Variants in RAPGEF2 observed in about 807,000 individuals in gnomAD.
RAPGEF2 encodes the protein PDZ domain containing guanine nucleotide exchange factor (GEF) 1.
RAPGEF2 carries 54 observed loss-of-function variants against 186.7 expected under a neutral mutation model. The ratio of observed to expected loss-of-function variants is 0.29; its 90% CI spans 0.23 to 0.36. The LOEUF (loss-of-function observed/expected upper bound fraction) is 0.36, where lower values mean the gene tolerates loss of function less well. Among genes scored for constraint, RAPGEF2 ranks in the 10% least tolerant of loss-of-function variants. The probability of loss-of-function intolerance (pLI) is 1.00; values close to 1 mark genes in which losing one functional copy is unlikely to be tolerated. For synonymous variants in RAPGEF2, 712 were observed against 705.9 expected (o/e 1.01, Z -0.14); for missense variants, 1,532 against 2,045.0 (o/e 0.75, Z 4.84).
intron 1 of RAPGEF2, among the ~76,000 whole-genome samples, chr4:159,158,935 C>G (rs148686393): frequency 1.3e-5 from 2 of 152,238 alleles, no homozygotes; most frequent in East Asian, 1.9e-4. Context: ...ATAGCCGTAG[C>G]TGTATAAGGG....
chr4:159,141,216 T>A (rs1742288578), intron 1 of RAPGEF2, among the ~76,000 whole-genome samples: 1 of 152,222 alleles, frequency 6.6e-6, no homozygotes, highest in African/African-American at 2.4e-5. Flanking sequence ...CCTTTTTATA[T>A]ACTTGAATAA....
At chr4:159,168,441 A>G (rs2111240344) in intron 1 of RAPGEF2, among the ~76,000 whole-genome samples, 1 of 151,612 alleles carries the variant, frequency 6.6e-6, no homozygotes, top group East Asian at 1.9e-4. Flanking sequence ...TCCCCTTTTT[A>G]TTTTTATTTT....
At chr4:159,185,157 GAGAC>G (rs1318664912) in intron 1 of RAPGEF2, among the ~76,000 whole-genome samples, 6 of 152,172 alleles carry the variant, frequency 3.9e-5, no homozygotes, top group Admixed American at 2.6e-4. Context: ...AATAAAAAGA[GAGAC>G]AGTAACAAGC....
At chr4:159,119,537 GTAATAAGCTTA>G (rs1468485531) in intron 1 of RAPGEF2, among the ~76,000 whole-genome samples, 1 of 152,190 alleles carries the variant, frequency 6.6e-6, no homozygotes, top group African/African-American at 2.4e-5. Flanking sequence ...ATAGATGATT[GTAATAAGCTTA>G]TGCAGTGATT....
chr4:159,275,268 C>T (rs1758707640), intron 7 of RAPGEF2, among the ~76,000 whole-genome samples: 1 of 152,122 alleles, frequency 6.6e-6, no homozygotes, highest in African/African-American at 2.4e-5. Context: ...TCTTTTACAA[C>T]TTACACTGGA....
At chr4:159,354,679 AT>A (rs1731698678) in intron 28 of RAPGEF2, among the ~76,000 whole-genome samples, 1 of 152,218 alleles carries the variant, frequency 6.6e-6, no homozygotes, top group Non-Finnish European at 1.5e-5. Context: ...CTGTTTCCTC[AT>A]CTGTAAAATG....
At chr4:159,138,058 A>G (rs900733034) in intron 1 of RAPGEF2, among the ~76,000 whole-genome samples, 1 of 152,256 alleles carries the variant, frequency 6.6e-6, no homozygotes, top group Non-Finnish European at 1.5e-5. Flanking sequence ...AATTAGTATA[A>G]TGTTAATGAA....
At chr4:159,248,171 T>C (rs1754875657) in intron 7 of RAPGEF2, among the ~76,000 whole-genome samples, 1 of 152,232 alleles carries the variant, frequency 6.6e-6, no homozygotes, top group Admixed American at 6.5e-5. Context: ...AATGACCATA[T>C]TGTATATGAA....
At chr4:159,186,567 A>G in intron 1 of RAPGEF2, 75 bp from the exon 2 acceptor site, 1 of 683,468 alleles carries the variant, frequency 1.5e-6, no homozygotes, top group Admixed American at 3.5e-5. Flanking sequence ...TTTGGTTTGT[A>G]GATACAGTGT....
At chr4:159,162,872 T>C (rs1415110874) in intron 1 of RAPGEF2, among the ~76,000 whole-genome samples, 6 of 151,748 alleles carry the variant, frequency 4.0e-5, no homozygotes, top group Non-Finnish European at 8.8e-5. Context: ...TTGTCTCTTT[T>C]ATTGTTCCTT....
intron 7 of RAPGEF2, among the ~76,000 whole-genome samples, chr4:159,270,102 A>G (rs188799499): frequency 1.3e-5 from 2 of 152,340 alleles, no homozygotes; most frequent in East Asian, 3.9e-4. Flanking sequence ...TGTGAGTGGT[A>G]TTGCCCATGA....
At chr4:159,240,172 T>C (rs114758864) in intron 5 of RAPGEF2, among the ~76,000 whole-genome samples, 184 of 152,206 alleles carry the variant, frequency 1.2e-3, no homozygotes, top group African/African-American at 4.3e-3. Flanking sequence ...ATTTTTAGTC[T>C]TTAAAACTGA....
intron 1 of RAPGEF2, among the ~76,000 whole-genome samples, chr4:159,140,413 A>G (rs1029396672): frequency 4.6e-5 from 7 of 152,206 alleles, no homozygotes; most frequent in Non-Finnish European, 2.9e-5. Context: ...TTTAAAAGCA[A>G]TTGTTATTGG....
chr4:159,330,613 T>C, intron 13 of RAPGEF2, 115 bp downstream of exon 13: 1 of 749,432 alleles, frequency 1.3e-6, no homozygotes. Context: ...AATAGGAGAA[T>C]GTAATTCTGA....
At chr4:159,195,656 A>G (rs1325146356) in intron 3 of RAPGEF2, among the ~76,000 whole-genome samples, 1 of 152,118 alleles carries the variant, frequency 6.6e-6, no homozygotes, top group Non-Finnish European at 1.5e-5. Flanking sequence ...CTCTTATCCT[A>G]GTCACCAGCA....
chr4:159,300,196 AATT>A (rs1762486028), intron 7 of RAPGEF2, among the ~76,000 whole-genome samples: 1 of 147,350 alleles, frequency 6.8e-6, no homozygotes, highest in Non-Finnish European at 1.5e-5. Context: ...ATAAACCTAA[AATT>A]AATATAATCT....
intron 1 of RAPGEF2, among the ~76,000 whole-genome samples, chr4:159,116,509 C>T (rs1579222697): frequency 6.6e-6 from 1 of 152,258 alleles, no homozygotes; most frequent in East Asian, 1.9e-4. Flanking sequence ...GGTGATTCCT[C>T]AAAGACCTAG....
intron 4 of RAPGEF2, among the ~76,000 whole-genome samples, chr4:159,215,793 A>C (rs1561095882): frequency 6.6e-6 from 1 of 152,208 alleles, no homozygotes; most frequent in African/African-American, 2.4e-5. Flanking sequence ...AAGGGAAATT[A>C]ATCCCAGGGT....
intron 7 of RAPGEF2, among the ~76,000 whole-genome samples, chr4:159,297,991 C>T (rs1762223242): frequency 6.6e-6 from 1 of 152,184 alleles, no homozygotes; most frequent in African/African-American, 2.4e-5. Context: ...TAACATGAGG[C>T]TTCTGTCTTC....
Sources: gnomAD v4.1 joint callset for allele counts (sites outside exome capture counted in the v4.1 genomes callset) on GRCh38, gnomAD v4.1.1 for gene constraint, MANE v1.5 for transcripts, NCBI Gene and HGNC (gene_info 2026-07-23, HGNC 2026-07-21) for gene names.